Variants in RAPGEF1 observed in about 807,000 individuals in gnomAD.
RAPGEF1 encodes CRK SH3-binding GNRP.
In RAPGEF1, 33 loss-of-function variants were observed where a neutral mutation model predicts 143.3. The ratio of observed to expected loss-of-function variants is 0.23; its 90% CI spans 0.17 to 0.31. The LOEUF (loss-of-function observed/expected upper bound fraction) is 0.31. RAPGEF1 is among the 10% of genes least tolerant of loss of function. RAPGEF1 has a pLI of 1.00. For missense variants in RAPGEF1, 1,199 were observed against 1,645.4 expected, an observed-to-expected ratio of 0.73 and a Z score of 4.69; for synonymous variants, 629 against 676.5, an observed-to-expected ratio of 0.93 and a Z score of 1.09.
In RAPGEF1 at chr9:131,703,138, A is replaced by G. The variant is rs549155630; in HGVS notation, c.61+36632T>C. ...CAGTGAGTCATCACCATGCCACTGCATGCGTGCCACCACGCCCAGTTAATT... is the reference window on the plus strand; with the variant it reads ...CAGTGAGTCATCACCATGCCACTGCGTGCGTGCCACCACGCCCAGTTAATT... On this transcript the variant is annotated intron_variant, in intron 1 of 26. Coordinates refer to ENST00000683357, the MANE Select transcript of RAPGEF1 (RefSeq NM_001377935.1). 1.3e-3 allele frequency among the ~76,000 whole-genome samples: 199 copies of G among 152,302 alleles called. 1 individual carries two copies. Among genetic ancestry groups the G allele is most frequent in the Middle Eastern group, 3.4e-3 (1 of 294 alleles).
intron 1 of RAPGEF1, among the ~76,000 whole-genome samples, chr9:131,723,450 C>G (rs1446393553): frequency 6.6e-6 from 1 of 152,228 alleles, no homozygotes; most frequent in African/African-American, 2.4e-5. Flanking sequence ...CTTCCAGCCC[C>G]TGGCAGCCAC....
chr9:131,728,407 G>A (rs1374034392), intron 1 of RAPGEF1, among the ~76,000 whole-genome samples: 1 of 152,138 alleles, frequency 6.6e-6, no homozygotes, highest in Non-Finnish European at 1.5e-5. Context: ...CCTTGAGACA[G>A]GGCAAAAAAT....
At chr9:131,611,035 G>A (rs991613300) in intron 12 of RAPGEF1, among the ~76,000 whole-genome samples, 2 of 152,194 alleles carry the variant, frequency 1.3e-5, no homozygotes, top group Non-Finnish European at 2.9e-5. Flanking sequence ...CTTAGGCCCA[G>A]GGGCAACTCC....
chr9:131,650,075 G>C lies in RAPGEF1; in HGVS notation c.315+54C>G. On this transcript the variant is annotated intron_variant, in intron 3 of 26. Transcript: ENST00000683357. The surrounding 1 kb of genome is among the most constrained non-coding windows in gnomAD (Gnocchi z 4.7). ...TTTCCATCCCCAAAACCATGGACCA[G>C]GATTCTGCAGTAGAAGGCAAGGCAA... 7.0e-7 allele frequency: 1 copy of C among 1,422,494 alleles called. No homozygotes were observed. The highest frequency in any genetic ancestry group is 9.8e-7 in the Non-Finnish European group (1 of 1,020,812). 88.1% of individuals were successfully genotyped at this position (1,422,494 alleles called of 1,614,324 possible).
At chr9:131,622,062 C>G in intron 10 of RAPGEF1, 64 bp from the exon 11 acceptor site, 1 of 1,473,278 alleles carries the variant, frequency 6.8e-7, no homozygotes, top group East Asian at 2.4e-5. Context: ...ACCCCTCCCC[C>G]CATTCTTCCC....
intron 15 of RAPGEF1, chr9:131,598,617 C>T (rs962143307): frequency 2.0e-6 from 1 of 509,380 alleles, no homozygotes; most frequent in South Asian, 1.6e-5. Context: ...GCCCACCGCA[C>T]AGTTAGCATT....
chr9:131,723,385 C>A (rs1386517582), intron 1 of RAPGEF1, among the ~76,000 whole-genome samples: 4 of 152,154 alleles, frequency 2.6e-5, no homozygotes, highest in African/African-American at 9.7e-5. Context: ...TCACCAGCAG[C>A]CATCTCCATA....
intron 1 of RAPGEF1, among the ~76,000 whole-genome samples, chr9:131,736,722 T>C (rs1485039617): frequency 6.6e-6 from 1 of 152,208 alleles, no homozygotes; most frequent in Non-Finnish European, 1.5e-5. Context: ...AAACCCTGGA[T>C]GCCTTAAGCA....
intron 12 of RAPGEF1, among the ~76,000 whole-genome samples, chr9:131,615,622 G>A (rs76747544): frequency 9.1e-4 from 139 of 152,286 alleles, no homozygotes; most frequent in African/African-American, 3.0e-3. Context: ...CTGGGGAGAC[G>A]GGAGGGCTGG....
Position 131,700,184 on chromosome 9 carries a change from T to C in RAPGEF1, c.61+39586A>G, listed in dbSNP as rs537426283. On this transcript the variant is annotated intron_variant, in intron 1 of 26. Transcript: ENST00000683357. ...CCCACTGGCTCTCCCTTCCAAGTCC[T>C]TACAGTCATCTCAAGGCCTGGCTTC... 5.3e-5 allele frequency among the ~76,000 whole-genome samples: 8 copies of C among 152,286 alleles called. No individual in the cohort carries two copies. The South Asian group carries it at 1.4e-3, about 28-fold the overall frequency.
At chr9:131,737,449 G>A (rs1346299186) in intron 1 of RAPGEF1, 1 of 1,613,848 alleles carries the variant, frequency 6.2e-7, no homozygotes, top group Non-Finnish European at 8.5e-7. Flanking sequence ...AGCCTGGGTA[G>A]CTTAGAAACT....
At chr9:131,676,888 A>G (rs919926661) in intron 1 of RAPGEF1, among the ~76,000 whole-genome samples, 1 of 152,222 alleles carries the variant, frequency 6.6e-6, no homozygotes, top group Admixed American at 6.5e-5. Flanking sequence ...TTAGAAATGC[A>G]AATTCTTGGG....
chr9:131,627,361 T>C (rs919940608), intron 9 of RAPGEF1, among the ~76,000 whole-genome samples: 2 of 152,082 alleles, frequency 1.3e-5, no homozygotes, highest in African/African-American at 4.8e-5. Flanking sequence ...TCTGATTTCC[T>C]ACCAATGAAA....
chr9:131,659,799 G>C (rs1238651396), intron 1 of RAPGEF1, among the ~76,000 whole-genome samples: 2 of 152,086 alleles, frequency 1.3e-5, no homozygotes, highest in Non-Finnish European at 2.9e-5. Context: ...GTCTAGTCGA[G>C]CCAAAAGCAA....
intron 1 of RAPGEF1, among the ~76,000 whole-genome samples, chr9:131,738,240 GATATA>G (rs59910795): frequency 0.28 from 41,533 of 149,476 alleles, 6,211 homozygotes; most frequent in Non-Finnish European, 0.34. Flanking sequence ...GATATAAAAA[GATATA>G]ATATAATCTT....
intron 1 of RAPGEF1, among the ~76,000 whole-genome samples, chr9:131,670,159 CACACGGT>C (rs1831134682): frequency 6.6e-6 from 1 of 152,210 alleles, no homozygotes; most frequent in Non-Finnish European, 1.5e-5. Context: ...ACACACCAGC[CACACGGT>C]CTCCTAATTT....
chr9:131,613,032 G>A (rs969769076), intron 12 of RAPGEF1, among the ~76,000 whole-genome samples: 3 of 152,168 alleles, frequency 2.0e-5, no homozygotes, highest in South Asian at 2.1e-4. Context: ...AAGACGAACC[G>A]GAACATGACA....
chr9:131,604,839 G>C, intron 13 of RAPGEF1, 92 bp downstream of exon 13: 1 of 1,211,380 alleles, frequency 8.3e-7, no homozygotes, highest in East Asian at 6.0e-5. Context: ...GTGTCTTTCA[G>C]GAACGTGAAA....
chr9:131,676,228 C>G (rs1832329685), intron 1 of RAPGEF1, among the ~76,000 whole-genome samples: 1 of 152,184 alleles, frequency 6.6e-6, no homozygotes, highest in South Asian at 2.1e-4. Context: ...CTGAGGTGGG[C>G]ATGGGCAGCC....
Sources: gnomAD v4.1 joint callset for allele counts (sites outside exome capture counted in the v4.1 genomes callset) on GRCh38, gnomAD v4.1.1 for gene constraint, Gnocchi (gnomAD v3.1) non-coding constraint, MANE v1.5 for transcripts, NCBI Gene and HGNC (gene_info 2026-07-23, HGNC 2026-07-21) for gene names.